The following BTNL3 variants were observed in gnomAD, a reference collection of about 807,000 sequenced individuals.
BTNL3 encodes butyrophilin-like protein 3.
In BTNL3, 20 loss-of-function variants were observed where a neutral mutation model predicts 40.1. The observed-to-expected ratio is 0.50, with a 90% CI of 0.35 to 0.72. The LOEUF (loss-of-function observed/expected upper bound fraction) is 0.72, where lower values mean the gene tolerates loss of function less well. Ranked by LOEUF, BTNL3 falls within the 30% of genes least tolerant of loss-of-function variation. The probability of loss-of-function intolerance (pLI) is 0.01; values close to 1 mark genes in which losing one functional copy is unlikely to be tolerated. For missense variants in BTNL3, 449 were observed against 582.2 expected (o/e 0.77, Z 2.35); for synonymous variants, 179 against 222.1 (o/e 0.81, Z 1.73).
intron 1 of BTNL3, among the ~76,000 whole-genome samples, chr5:180,991,675 A>G (rs1173867934): frequency 7.3e-6 from 1 of 137,120 alleles, no homozygotes; most frequent in Non-Finnish European, 1.7e-5. Context: ...TGAGGGAAAC[A>G]CACACACTCT....
At chr5:180,996,789 T>C (rs1299842848) in intron 2 of BTNL3, among the ~76,000 whole-genome samples, 1 of 136,972 alleles carries the variant, frequency 7.3e-6, no homozygotes, top group East Asian at 2.1e-4. Context: ...AGTTAAGCAC[T>C]CTTCTCTGTG....
chr5:180,994,279 TTC>T (rs1417917564), intron 2 of BTNL3, among the ~76,000 whole-genome samples: 3 of 137,346 alleles, frequency 2.2e-5, no homozygotes, highest in Non-Finnish European at 5.0e-5. Context: ...TAGTGACAAA[TTC>T]TCTTAGTTTT....
chr5:180,995,650 T>C (rs1304884415), intron 2 of BTNL3, among the ~76,000 whole-genome samples: 1 of 136,618 alleles, frequency 7.3e-6, no homozygotes, highest in East Asian at 2.2e-4. Context: ...TCTGGCATAG[T>C]GGGAAAAAGT....
rs1012200989 is a variant in BTNL3 at position 180,989,580 on chromosome 5, G to A, written c.49+503G>A. 2.9e-5 allele frequency among the ~76,000 whole-genome samples: 4 copies of A among 136,636 alleles called. 1 individual carries two copies. The highest frequency in any genetic ancestry group is 7.7e-5 in the Admixed American group (1 of 12,918). The allele number at this position is 136,636 out of a possible 152,430, so 89.6% of individuals were successfully genotyped here. Reference sequence around the variant, plus strand: ...AGAGCACCAGACCTTTAAGTGAGGAGTAAGTTGGAACCTGGCATAGTCTAG... The same window carrying A: ...AGAGCACCAGACCTTTAAGTGAGGAATAAGTTGGAACCTGGCATAGTCTAG... On this transcript the variant is annotated intron_variant, in intron 1 of 7. Coordinates refer to ENST00000342868, the MANE Select transcript of BTNL3 (RefSeq NM_197975.3).
At chr5:181,002,336 T>G (rs1760123690) in intron 3 of BTNL3, among the ~76,000 whole-genome samples, 1 of 98,436 alleles carries the variant, frequency 1.0e-5, no homozygotes, top group Admixed American at 1.3e-4. Flanking sequence ...TTCTGCCTCA[T>G]TAGACATAGA....
intron 2 of BTNL3, among the ~76,000 whole-genome samples, chr5:180,994,921 A>G (rs1392617293): frequency 7.4e-6 from 1 of 134,294 alleles, no homozygotes; most frequent in African/African-American, 2.6e-5. Context: ...GAGTAGCTGG[A>G]ACTACAGGCA....
At chr5:180,998,767 C>A (rs1298340598) in intron 3 of BTNL3, among the ~76,000 whole-genome samples, 2 of 137,438 alleles carry the variant, frequency 1.5e-5, no homozygotes, top group Non-Finnish European at 3.3e-5. Context: ...ATTCTTAAAA[C>A]TGAATGATAA....
intron 1 of BTNL3, among the ~76,000 whole-genome samples, chr5:180,990,032 C>T (rs944221813): frequency 1.5e-5 from 2 of 135,860 alleles, no homozygotes; most frequent in African/African-American, 5.1e-5. Flanking sequence ...TGGTGGTGAG[C>T]GCCTGTAGTC....
chr5:180,988,978 C>T lies in BTNL3; in HGVS notation c.-51C>T, dbSNP rs1759936946. Reference sequence around the variant, plus strand: ...GCCTGACCTCCAAATCATCCATCCACCCCTGCTGTCATCTGTTTTCATAGT... The same window carrying T: ...GCCTGACCTCCAAATCATCCATCCATCCCTGCTGTCATCTGTTTTCATAGT... On this transcript the variant is annotated 5_prime_UTR_variant, in exon 1 of 8. Transcript: ENST00000342868. The T allele has an allele frequency of 2.8e-6, 4 of 1,426,096 alleles. 1 individual carries two copies. The highest frequency in any genetic ancestry group is 4.3e-5 in the Admixed American group (2 of 46,370). The allele number at this position is 1,426,096 out of a possible 1,614,324, so 88.3% of individuals were successfully genotyped here.
chr5:181,006,183 A>ACT lies in BTNL3; in HGVS notation c.*312_*313insTC, dbSNP rs1235279915. On this transcript the variant is annotated 3_prime_UTR_variant, in exon 8 of 8. Coordinates refer to ENST00000342868, the MANE Select transcript of BTNL3 (RefSeq NM_197975.3). ...ACTCCATCCAGCTAAGCGATCTTGA[A>ACT]CAAGTCACAACCTCCCAGGCTCCTC... The ACT allele has an allele frequency of 9.4e-6, 4 of 425,776 alleles. No homozygotes were observed. The highest frequency in any genetic ancestry group is 8.2e-6 in the Non-Finnish European group (2 of 243,074). The allele number at this position is 425,776 out of a possible 1,614,324, so 26.4% of individuals were successfully genotyped here.
At chr5:180,997,089 T>G in intron 2 of BTNL3, 124 bp from the exon 3 acceptor site, 1 of 1,109,308 alleles carries the variant, frequency 9.0e-7, no homozygotes, top group Non-Finnish European at 1.3e-6. Context: ...TGTGTGTGTG[T>G]GAGAGAGAGA....
rs936738536 is a variant in BTNL3 at position 181,006,067 on chromosome 5, G to C, written c.*195G>C. The C allele has an allele frequency of 1.6e-6, 1 of 612,270 alleles. No individual in the cohort carries two copies. Among genetic ancestry groups the C allele is most frequent in the East Asian group, 2.8e-5 (1 of 35,362 alleles). The allele number at this position is 612,270 out of a possible 1,614,324, so 37.9% of individuals were successfully genotyped here. ...AGCGGCAGTCACAGCTTCCAGATGA[G>C]GGGGGATTGGCCTGACCCTGTGGGA... On this transcript the variant is annotated 3_prime_UTR_variant, in exon 8 of 8. Transcript: ENST00000342868.
rs147610693 is a variant in BTNL3 at position 180,998,403 on chromosome 5, G to A, written c.673+915G>A. Among the ~76,000 whole-genome samples the A allele has an allele frequency of 8.8e-5, 12 of 136,320 alleles. 2 individuals carry two copies. Among genetic ancestry groups the A allele is most frequent in the Admixed American group, 2.3e-4 (3 of 12,864 alleles). The allele number at this position is 136,320 out of a possible 152,430, so 89.4% of individuals were successfully genotyped here. ...GAAATAAGAAAAAAGGTCATACTTC[G>A]AGTTCTAAAATTGATTAAATAAGTA... On this transcript the variant is annotated intron_variant, in intron 3 of 7. Transcript: ENST00000342868.
In BTNL3 at chr5:181,001,023, C is replaced by T. The variant is rs1033928975; in HGVS notation, c.674-1649C>T. 1.9e-4 allele frequency among the ~76,000 whole-genome samples: 25 copies of T among 133,996 alleles called. 8 individuals are homozygous for T. Among genetic ancestry groups the T allele is most frequent in the Non-Finnish European group, 2.5e-4 (15 of 58,990 alleles). The allele number at this position is 133,996 out of a possible 152,430, so 87.9% of individuals were successfully genotyped here. A position where few individuals can be genotyped will look rare whatever the true frequency, so the allele number is the denominator to read the frequency against. ...TTCACAGTTTATATGATGATATAAA[C>T]GGAAAATTTAGAAAAATTTACAGAC... On this transcript the variant is annotated intron_variant, in intron 3 of 7. Coordinates refer to ENST00000342868, the MANE Select transcript of BTNL3 (RefSeq NM_197975.3).
chr5:181,005,183 G>A, intron 7 of BTNL3, 151 bp from the exon 8 acceptor site: 1 of 1,370,184 alleles, frequency 7.3e-7, no homozygotes, highest in South Asian at 1.4e-5. Context: ...AGGCACGGGG[G>A]CTGCCCTGGA....
At position 180,996,348 on chromosome 5, in the gene BTNL3, T is replaced by G. The variant is rs1443009674; in HGVS notation, c.398-865T>G. On this transcript the variant is annotated intron_variant, in intron 2 of 7. Coordinates refer to ENST00000342868, the MANE Select transcript of BTNL3 (RefSeq NM_197975.3). ...GTCACTTCAGTAGTTGCATGGCGGGTCACTCTCCTCCGGAGTGTTCTCTAT... is the reference window on the plus strand; with the variant it reads ...GTCACTTCAGTAGTTGCATGGCGGGGCACTCTCCTCCGGAGTGTTCTCTAT... 3.0e-5 allele frequency among the ~76,000 whole-genome samples: 4 copies of G among 135,382 alleles called. 1 individual carries two copies. The highest frequency in any genetic ancestry group is 4.4e-4 in the East Asian group (2 of 4,560). The allele number at this position is 135,382 out of a possible 152,430, so 88.8% of individuals were successfully genotyped here.
At chr5:181,004,534 G>A in intron 6 of BTNL3, 91 bp downstream of exon 6, 1 of 1,032,046 alleles carries the variant, frequency 9.7e-7, no homozygotes, top group South Asian at 1.7e-5. Context: ...GTGGGTCCCT[G>A]CAGAGCCAAG....
intron 3 of BTNL3, among the ~76,000 whole-genome samples, chr5:180,999,145 A>C (rs112056928): frequency 7.3e-6 from 1 of 136,278 alleles, no homozygotes; most frequent in South Asian, 2.2e-4. Flanking sequence ...ATATATATAT[A>C]TCCTTTAATG....
rs1237054863 is a variant in BTNL3, at chr5:181,006,589, C to A, written c.*717C>A. 1.3e-5 allele frequency: 2 copies of A among 152,154 alleles called. No individual in the cohort carries two copies. The highest frequency in any genetic ancestry group is 2.9e-5 in the Non-Finnish European group (2 of 68,030). The allele number at this position is 152,154 out of a possible 1,614,324, so 9.4% of individuals were successfully genotyped here. A position where few individuals can be genotyped will look rare whatever the true frequency, so the allele number is the denominator to read the frequency against. ...ACAAAAATTCTAAATAAAATTTTAA[C>A]AAATTAAACTAAACAATATATTTAA... is the stretch of plus-strand genomic sequence containing the variant. On this transcript the variant is annotated 3_prime_UTR_variant, in exon 8 of 8. Transcript: ENST00000342868.
Sources: gnomAD v4.1 joint callset for allele counts (sites outside exome capture counted in the v4.1 genomes callset) on GRCh38, gnomAD v4.1.1 for gene constraint, MANE v1.5 for transcripts, NCBI Gene and HGNC (gene_info 2026-07-23, HGNC 2026-07-21) for gene names.